Variants in TNRC6C observed in about 807,000 individuals in gnomAD.
The protein encoded by TNRC6C is trinucleotide repeat-containing gene 6C protein.
A neutral mutation model predicts 153.7 loss-of-function variants in TNRC6C; 20 were observed. That is an observed-to-expected ratio of 0.13 (90% CI 0.09 to 0.19). The LOEUF is 0.19. TNRC6C is among the 10% of genes least tolerant of loss of function. TNRC6C has a pLI of 1.00. For synonymous variants in TNRC6C, 811 were observed against 841.4 expected (o/e 0.96, Z 0.63); for missense variants, 1,987 against 2,172.0 (o/e 0.91, Z 1.69).
At chr17:78,011,601 C>T (rs78682911) in intron 1 of TNRC6C, among the ~76,000 whole-genome samples, 2,083 of 152,264 alleles carry the variant, frequency 0.014, 18 homozygotes, top group Non-Finnish European at 0.023. Context: ...TGGACATCTG[C>T]GTTTTTCCAG....
chr17:78,004,316 T>C (rs1439638512), upstream of TNRC6C: 13 of 1,231,650 alleles, frequency 1.1e-5, no homozygotes, highest in East Asian at 4.1e-4. Context: ...ATTGTGTGTC[T>C]CATTTGCATC....
At chr17:78,096,041 A>G (rs1428975275) in intron 16 of TNRC6C, among the ~76,000 whole-genome samples, 3 of 152,154 alleles carry the variant, frequency 2.0e-5, no homozygotes, top group Non-Finnish European at 4.4e-5. Flanking sequence ...ACAGAGCAAG[A>G]CTTCGTCTCA....
intron 14 of TNRC6C, among the ~76,000 whole-genome samples, chr17:78,092,642 G>A (rs566497153): frequency 5.3e-5 from 8 of 152,184 alleles, no homozygotes; most frequent in Non-Finnish European, 8.8e-5. Context: ...CTACTTGGGA[G>A]GCCAAGGTGG....
At chr17:77,975,942 G>C (rs900850255) in intron 1 of TNRC6C, among the ~76,000 whole-genome samples, 1 of 152,110 alleles carries the variant, frequency 6.6e-6, no homozygotes, top group Non-Finnish European at 1.5e-5. Flanking sequence ...AACTGATCAT[G>C]GTCTTTAGAG....
chr17:78,086,914 A>G (rs1395140579), exon 13 of TNRC6C: 1 of 1,612,620 alleles, frequency 6.2e-7, no homozygotes, highest in East Asian at 2.2e-5. Flanking sequence ...CAGCTGGCCC[A>G]GGCCCTGCTC....
intron 1 of TNRC6C, among the ~76,000 whole-genome samples, chr17:77,969,199 C>G (rs773067875): frequency 6.6e-6 from 1 of 152,168 alleles, no homozygotes; most frequent in African/African-American, 2.4e-5. Context: ...CCTCACCGCT[C>G]TATTGCACTA....
Position 77,995,430 on chromosome 17 carries a change from G to A in TNRC6C, c.-37-8740G>A, listed in dbSNP as rs190869707. On this transcript the variant is annotated intron_variant, in intron 1 of 22. Coordinates refer to the TNRC6C transcript ENST00000636222. ...CTGAACATCATGCCAGCTGGCAAAG[G>A]AAAAATAGTTAAAGGTCACAGATCC... Among the ~76,000 whole-genome samples, 608 of 152,292 alleles carry A rather than the reference G, an allele frequency of 4.0e-3. 2 individuals are homozygous for A. The highest frequency in any genetic ancestry group is 6.4e-3 in the Non-Finnish European group (432 of 68,012).
chr17:77,983,573 A>AAAAC (rs2071112690), intron 1 of TNRC6C, among the ~76,000 whole-genome samples: 1 of 152,194 alleles, frequency 6.6e-6, no homozygotes, highest in Non-Finnish European at 1.5e-5. Context: ...ATGAAGGTTT[A>AAAAC]GGTCACCCTG....
intron 17 of TNRC6C, among the ~76,000 whole-genome samples, chr17:78,099,473 C>T (rs2144633261): frequency 6.6e-6 from 1 of 152,308 alleles, no homozygotes; most frequent in South Asian, 2.1e-4. Context: ...GCATGTCTCA[C>T]ATGGCAGCAG....
chr17:78,055,902 T>G (rs1466171973), intron 3 of TNRC6C, among the ~76,000 whole-genome samples: 5 of 152,194 alleles, frequency 3.3e-5, no homozygotes, highest in African/African-American at 1.2e-4. Context: ...CTCAGATGTG[T>G]AATATATACC....
chr17:78,102,437 G>A (rs34988207), intron 17 of TNRC6C, 37 bp from the exon 21 acceptor site: 35,549 of 1,580,350 alleles, frequency 0.022, 517 homozygotes, highest in Non-Finnish European at 0.027. Flanking sequence ...CCACTGGCAC[G>A]GGGCCTTGTC....
chr17:78,073,125 T>TACC (rs1356016580), intron 7 of TNRC6C, 31 bp downstream of exon 9: 1 of 1,524,266 alleles, frequency 6.6e-7, no homozygotes, highest in Non-Finnish European at 8.9e-7. Flanking sequence ...TTTAAAAAGG[T>TACC]ACCCAGCTGT....
At chr17:78,040,965 T>A (rs1328031292) in intron 2 of TNRC6C, 1 of 152,022 alleles carries the variant, frequency 6.6e-6, no homozygotes, top group Non-Finnish European at 1.5e-5. Flanking sequence ...GGGAGCTTCC[T>A]GGCAGCTCCC....
At chr17:78,056,745 G>A (rs1482714597) in intron 3 of TNRC6C, among the ~76,000 whole-genome samples, 1 of 151,966 alleles carries the variant, frequency 6.6e-6, no homozygotes, top group East Asian at 1.9e-4. Context: ...AATTACAGGC[G>A]TGAGCCACCA....
At chr17:78,099,760 A>C (rs2073556344) in intron 17 of TNRC6C, among the ~76,000 whole-genome samples, 1 of 152,210 alleles carries the variant, frequency 6.6e-6, no homozygotes, top group Admixed American at 6.5e-5. Context: ...CCTTCCCAGC[A>C]GTCCCCTAAA....
intron 4 of TNRC6C, among the ~76,000 whole-genome samples, 194 bp downstream of exon 6, chr17:78,065,131 T>C (rs1295648122): frequency 1.3e-5 from 2 of 152,138 alleles, no homozygotes; most frequent in Non-Finnish European, 2.9e-5. Context: ...GGAGGATCGC[T>C]TGAGCGCAGG....
At chr17:77,969,927 A>G (rs527468918) in intron 1 of TNRC6C, among the ~76,000 whole-genome samples, 2 of 152,358 alleles carry the variant, frequency 1.3e-5, no homozygotes, top group South Asian at 4.1e-4. Flanking sequence ...CCTTGAAACT[A>G]GAATGCTTTA....
chr17:78,081,806 C>T (rs1464872776), intron 10 of TNRC6C, among the ~76,000 whole-genome samples: 1 of 152,162 alleles, frequency 6.6e-6, no homozygotes, highest in East Asian at 1.9e-4. Context: ...CCAGCATGTC[C>T]CAAATGGCAA....
At chr17:77,977,960 A>G (rs988514825) in intron 1 of TNRC6C, among the ~76,000 whole-genome samples, 4 of 147,232 alleles carry the variant, frequency 2.7e-5, no homozygotes, top group Non-Finnish European at 5.9e-5. Flanking sequence ...CAGTGGCGCA[A>G]TCTCGGCTCA....
Sources: gnomAD v4.1 joint callset for allele counts (sites outside exome capture counted in the v4.1 genomes callset) on GRCh38, gnomAD v4.1.1 for gene constraint, MANE v1.5 for transcripts, NCBI Gene and HGNC (gene_info 2026-07-23, HGNC 2026-07-21) for gene names.